COL22A1: variants seen among roughly 807,000 people sequenced by gnomAD.
COL22A1 encodes collagen alpha-1(XXII) chain.
Under a neutral mutation model 248.9 loss-of-function variants are expected in COL22A1, and 221 were observed. The ratio of observed to expected loss-of-function variants is 0.89; its 90% CI spans 0.80 to 0.99. The LOEUF (loss-of-function observed/expected upper bound fraction) is 0.99, where lower values mean the gene tolerates loss of function less well. COL22A1 is among the 50% of genes least tolerant of loss of function. COL22A1 has a pLI of 0.00. For synonymous variants in COL22A1, 891 were observed against 793.4 expected (o/e 1.12, Z -2.07); for missense variants, 2,240 against 2,179.0 (o/e 1.03, Z -0.56).
chr8:138,757,909 TC>T (rs1833154040), intron 18 of COL22A1, among the ~76,000 whole-genome samples: 1 of 152,198 alleles, frequency 6.6e-6, no homozygotes, highest in South Asian at 2.1e-4. Flanking sequence ...AGTCCCTGCT[TC>T]CTGCATGCAA....
intron 41 of COL22A1, among the ~76,000 whole-genome samples, chr8:138,675,387 A>T (rs944329793): frequency 2.0e-5 from 3 of 152,206 alleles, no homozygotes. Context: ...TATTACTCTT[A>T]ATCACTCTTG....
intron 61 of COL22A1, among the ~76,000 whole-genome samples, chr8:138,598,258 A>G (rs1587633741): frequency 6.6e-6 from 1 of 152,188 alleles, no homozygotes; most frequent in South Asian, 2.1e-4. Flanking sequence ...GGGACGAAGG[A>G]GTACTCTAGG....
intron 56 of COL22A1, among the ~76,000 whole-genome samples, chr8:138,612,277 C>G (rs1223837395): frequency 6.6e-6 from 1 of 152,086 alleles, no homozygotes; most frequent in Non-Finnish European, 1.5e-5. Context: ...ATCAAAGCTG[C>G]CTTTCTGTGA....
At chr8:138,640,727 C>T (rs1224539180) in intron 47 of COL22A1, among the ~76,000 whole-genome samples, 1 of 152,174 alleles carries the variant, frequency 6.6e-6, no homozygotes, top group Non-Finnish European at 1.5e-5. Flanking sequence ...TTCCTACCTG[C>T]TGTGATTTGT....
At chr8:138,848,548 T>C (rs761554589) in intron 3 of COL22A1, among the ~76,000 whole-genome samples, 8 of 152,188 alleles carry the variant, frequency 5.3e-5, no homozygotes, top group Non-Finnish European at 1.0e-4. Context: ...TCGTGCTCTA[T>C]GTTGACGCAA....
At chr8:138,638,377 G>A (rs745519606) in intron 47 of COL22A1, among the ~76,000 whole-genome samples, 1 of 152,014 alleles carries the variant, frequency 6.6e-6, no homozygotes, top group Non-Finnish European at 1.5e-5. Context: ...CCACTCTCTG[G>A]TCTCAGTTTG....
chr8:138,664,600 G>A (rs781133915), intron 41 of COL22A1, among the ~76,000 whole-genome samples: 2 of 152,098 alleles, frequency 1.3e-5, no homozygotes, highest in Non-Finnish European at 2.9e-5. Context: ...CCCTGCCTAA[G>A]ACTGAAAGTC....
chr8:138,597,119 T>G, intron 61 of COL22A1, 149 bp from the exon 62 acceptor site: 1 of 635,600 alleles, frequency 1.6e-6, no homozygotes, highest in Non-Finnish European at 2.8e-6. Flanking sequence ...TCCACATCTC[T>G]AATCCCTTCC....
At chr8:138,796,732 G>A (rs1586764057) in intron 12 of COL22A1, 87 bp downstream of exon 12, 10 of 913,748 alleles carry the variant, frequency 1.1e-5, no homozygotes, top group Middle Eastern at 2.2e-4. Context: ...TTCTTTCCAG[G>A]CAACATAACA....
At chr8:138,883,445 TC>T (rs1001534317) in intron 1 of COL22A1, among the ~76,000 whole-genome samples, 3 of 151,976 alleles carry the variant, frequency 2.0e-5, no homozygotes, top group African/African-American at 7.3e-5. Flanking sequence ...TACGCCTGGA[TC>T]CCCCCAGCCA....
At chr8:138,638,941 G>A (rs1156583815) in intron 47 of COL22A1, among the ~76,000 whole-genome samples, 2 of 152,088 alleles carry the variant, frequency 1.3e-5, no homozygotes, top group Non-Finnish European at 2.9e-5. Context: ...CTACTCCAAC[G>A]TAGGTCAGGG....
chr8:138,849,534 T>C (rs1394238867), intron 3 of COL22A1, among the ~76,000 whole-genome samples: 2 of 152,222 alleles, frequency 1.3e-5, no homozygotes, highest in Non-Finnish European at 2.9e-5. Flanking sequence ...ACCCAGTTCT[T>C]GGCCACTGCA....
intron 62 of COL22A1, 70 bp from the exon 63 acceptor site, chr8:138,594,269 C>T (rs574775105): frequency 7.1e-7 from 1 of 1,411,970 alleles, no homozygotes; most frequent in Non-Finnish European, 9.6e-7. Flanking sequence ...TGGCTACTCA[C>T]TGACAACTCA....
At chr8:138,604,222 G>A (rs1360852827) in intron 59 of COL22A1, among the ~76,000 whole-genome samples, 2 of 152,162 alleles carry the variant, frequency 1.3e-5, no homozygotes, top group Admixed American at 6.5e-5. Context: ...TGGATTCCAC[G>A]GAGAGTGCAG....
At chr8:138,870,685 T>C (rs1402196245) in intron 3 of COL22A1, among the ~76,000 whole-genome samples, 1 of 151,854 alleles carries the variant, frequency 6.6e-6, no homozygotes. Context: ...TTGCATGTGG[T>C]GTGTGGTGCA....
At chr8:138,868,445 G>A (rs1269802904) in intron 3 of COL22A1, among the ~76,000 whole-genome samples, 1 of 152,158 alleles carries the variant, frequency 6.6e-6, no homozygotes, top group Non-Finnish European at 1.5e-5. Flanking sequence ...TTTCAGAGAA[G>A]GGGGATAGTT....
chr8:138,844,717 G>C (rs571280312), intron 3 of COL22A1, among the ~76,000 whole-genome samples: 2 of 152,258 alleles, frequency 1.3e-5, no homozygotes, highest in East Asian at 3.9e-4. Flanking sequence ...TTGGGAGGCC[G>C]AGGCGGGCGG....
intron 7 of COL22A1, among the ~76,000 whole-genome samples, chr8:138,819,257 G>A (rs533045384): frequency 1.3e-5 from 2 of 152,152 alleles, no homozygotes; most frequent in African/African-American, 4.8e-5. Flanking sequence ...TGACAGACCA[G>A]GAAACAATTT....
intron 43 of COL22A1, among the ~76,000 whole-genome samples, chr8:138,661,642 C>T (rs140428869): frequency 3.3e-5 from 5 of 152,162 alleles, no homozygotes; most frequent in Non-Finnish European, 7.4e-5. Flanking sequence ...CATACATCTG[C>T]GGAATTCCAT....
Sources: gnomAD v4.1 joint callset for allele counts (sites outside exome capture counted in the v4.1 genomes callset) on GRCh38, gnomAD v4.1.1 for gene constraint, MANE v1.5 for transcripts, NCBI Gene and HGNC (gene_info 2026-07-23, HGNC 2026-07-21) for gene names.